The following CDH18 variants were observed in gnomAD, a reference collection of about 807,000 sequenced individuals.
CDH18 encodes the protein cadherin-18.
CDH18 carries 31 observed loss-of-function variants against 67.9 expected under a neutral mutation model. The ratio of observed to expected loss-of-function variants is 0.46; its 90% confidence interval spans 0.34 to 0.62. The LOEUF (loss-of-function observed/expected upper bound fraction) is 0.62, where lower values mean the gene tolerates loss of function less well. Among genes scored for constraint, CDH18 ranks in the 20% least tolerant of loss-of-function variants. The pLI is 0.01. For missense variants in CDH18, 890 were observed against 975.5 expected (o/e 0.91, Z 1.17); for synonymous variants, 362 against 347.2 (o/e 1.04, Z -0.48).
At chr5:19,720,433 T>C (rs1241569718) in intron 5 of CDH18, among the ~76,000 whole-genome samples, 1 of 152,146 alleles carries the variant, frequency 6.6e-6, no homozygotes, top group Non-Finnish European at 1.5e-5. Context: ...CTCATAAATA[T>C]GTACATCCTT....
Position 19,755,454 on chromosome 5 carries a change from T to C in CDH18, c.229-8218A>G, listed in dbSNP as rs1406544973. Among the ~76,000 whole-genome samples the C allele has an allele frequency of 8.2e-3, 160 of 19,436 alleles. 13 individuals carry two copies. Among genetic ancestry groups the C allele is most frequent in the African/African-American group, 0.011 (154 of 13,550 alleles). The allele number at this position is 19,436 out of a possible 152,430, so 12.8% of individuals were successfully genotyped here. A position where few individuals can be genotyped will look rare whatever the true frequency, so the allele number is the denominator to read the frequency against. Reference sequence around the variant, plus strand: ...ATGTATATATATATATATATATATATATATACACACACACACACACATACA... The same window carrying C: ...ATGTATATATATATATATATATATACATATACACACACACACACACATACA... On this transcript the variant is annotated intron_variant, in intron 3 of 12. Coordinates refer to ENST00000382275, the MANE Select transcript of CDH18 (RefSeq NM_004934.5).
chr5:20,210,600 G>T (rs1034975169), intron 2 of CDH18, among the ~76,000 whole-genome samples: 2 of 151,704 alleles, frequency 1.3e-5, no homozygotes, highest in African/African-American at 4.8e-5. Flanking sequence ...GATATTAAAG[G>T]TCCTTTTTTT....
chr5:20,139,880 C>G (rs1423374063), intron 2 of CDH18, among the ~76,000 whole-genome samples: 2 of 152,176 alleles, frequency 1.3e-5, no homozygotes, highest in East Asian at 3.9e-4. Context: ...GGACTGTAAA[C>G]TAGTTCAACC....
intron 10 of CDH18, among the ~76,000 whole-genome samples, chr5:19,508,952 T>A (rs192867838): frequency 1.3e-5 from 2 of 151,404 alleles, no homozygotes; most frequent in East Asian, 3.9e-4. Flanking sequence ...CAGCTCACTG[T>A]AACCTTCACC....
chr5:20,299,432 ACACACAC>A (rs1747785168), intron 1 of CDH18, among the ~76,000 whole-genome samples: 7 of 151,676 alleles, frequency 4.6e-5, no homozygotes, highest in Admixed American at 3.3e-4. Flanking sequence ...ACACACACAC[ACACACAC>A]ACACACACAC....
chr5:19,626,057 A>G (rs1751488203), intron 5 of CDH18, among the ~76,000 whole-genome samples: 1 of 152,126 alleles, frequency 6.6e-6, no homozygotes, highest in African/African-American at 2.4e-5. Context: ...ACAGCATGTC[A>G]CTTTAACTTG....
chr5:19,566,896 A>T (rs533916606), intron 8 of CDH18, among the ~76,000 whole-genome samples: 58 of 152,340 alleles, frequency 3.8e-4, no homozygotes, highest in African/African-American at 1.2e-3. Flanking sequence ...ACAGTAATTC[A>T]GCCATAAAAT....
rs1349933275 is a variant in CDH18 at position 19,726,118 on chromosome 5, A to C, written c.524-4652T>G. 2.6e-5 allele frequency among the ~76,000 whole-genome samples: 4 copies of C among 152,216 alleles called. No individual in the cohort carries two copies. In the East Asian group the frequency reaches 5.8e-4, roughly 22 times the overall value. On this transcript the variant is annotated intron_variant, in intron 4 of 12. Coordinates refer to ENST00000382275, the MANE Select transcript of CDH18 (RefSeq NM_004934.5). ...TTGCTCTGTTTAGCTTGGGGTGTCT[A>C]TAAAAGTCCAGCCTTGTTAAGTGAG...
intron 9 of CDH18, among the ~76,000 whole-genome samples, chr5:19,540,780 C>G (rs2127057489): frequency 6.6e-6 from 1 of 152,198 alleles, no homozygotes; most frequent in South Asian, 2.1e-4. Flanking sequence ...CAGCAGGGGG[C>G]CCTGGGCCCA....
intron 2 of CDH18, among the ~76,000 whole-genome samples, chr5:20,241,773 A>AC (rs1274705458): frequency 1.3e-5 from 2 of 150,794 alleles, no homozygotes; most frequent in African/African-American, 4.9e-5. Context: ...AATGGCGTGA[A>AC]CCCGGAAGGC....
At chr5:20,378,373 G>A (rs1743639821) in intron 1 of CDH18, among the ~76,000 whole-genome samples, 1 of 151,892 alleles carries the variant, frequency 6.6e-6, no homozygotes, top group Non-Finnish European at 1.5e-5. Flanking sequence ...GGGTTTCACC[G>A]TGTTAGCCAG....
intron 1 of CDH18, among the ~76,000 whole-genome samples, chr5:19,987,390 A>G (rs1799676531): frequency 6.6e-6 from 1 of 152,204 alleles, no homozygotes; most frequent in Admixed American, 6.5e-5. Context: ...GAAATGAATG[A>G]GAGTTAACAA....
chr5:20,434,423 G>A (rs909567500), intron 1 of CDH18, among the ~76,000 whole-genome samples: 1 of 151,934 alleles, frequency 6.6e-6, no homozygotes, highest in African/African-American at 2.4e-5. Context: ...CCCTGAAGGA[G>A]ACCTCAATAA....
chr5:20,097,621 C>T (rs555238638), intron 2 of CDH18, among the ~76,000 whole-genome samples: 3 of 152,062 alleles, frequency 2.0e-5, no homozygotes, highest in Admixed American at 6.6e-5. Flanking sequence ...GTATTATATT[C>T]GGTTATTTAT....
intron 1 of CDH18, among the ~76,000 whole-genome samples, chr5:20,539,937 T>C (rs1756960811): frequency 6.6e-6 from 1 of 152,184 alleles, no homozygotes; most frequent in African/African-American, 2.4e-5. Context: ...AACTCAAATT[T>C]GGAAGCACTG....
intron 2 of CDH18, among the ~76,000 whole-genome samples, chr5:20,164,654 A>G (rs1736149966): frequency 6.6e-6 from 1 of 152,188 alleles, no homozygotes; most frequent in Non-Finnish European, 1.5e-5. Flanking sequence ...GACAAAAACA[A>G]ACTAGTTAAA....
chr5:20,002,136 A>T (rs571698480), intron 2 of CDH18, among the ~76,000 whole-genome samples: 2 of 152,234 alleles, frequency 1.3e-5, no homozygotes, highest in Admixed American at 1.3e-4. Flanking sequence ...AGTCCCCTAA[A>T]TCTTTCCAGT....
chr5:19,508,865 C>CTTTT (rs35438564), intron 10 of CDH18, among the ~76,000 whole-genome samples: 9 of 127,608 alleles, frequency 7.1e-5, no homozygotes, highest in African/African-American at 8.9e-5. Flanking sequence ...TCTTTCTTTT[C>CTTTT]TTTTTTTTTT....
chr5:20,026,640 G>A (rs999313064), intron 2 of CDH18, among the ~76,000 whole-genome samples: 2 of 152,102 alleles, frequency 1.3e-5, no homozygotes, highest in African/African-American at 4.8e-5. Context: ...TAAGATCAAC[G>A]TGAGCAATAA....
Sources: gnomAD v4.1 joint callset for allele counts (sites outside exome capture counted in the v4.1 genomes callset) on GRCh38, gnomAD v4.1.1 for gene constraint, MANE v1.5 for transcripts, NCBI Gene and HGNC (gene_info 2026-07-23, HGNC 2026-07-21) for gene names.